Variants in FBXL17 observed in about 807,000 individuals in gnomAD.
The protein encoded by FBXL17 is F-box/LRR-repeat protein 17.
Under a neutral mutation model 66.2 loss-of-function variants are expected in FBXL17, and 22 were observed. The ratio of observed to expected loss-of-function variants is 0.33; its 90% confidence interval spans 0.24 to 0.47. FBXL17 has a LOEUF of 0.47. FBXL17 is among the 20% of genes least tolerant of loss of function. FBXL17 has a pLI of 1.00. For missense variants in FBXL17, 878 were observed against 948.2 expected, an observed-to-expected ratio of 0.93 and a Z score of 0.97; for synonymous variants, 474 against 400.5, an observed-to-expected ratio of 1.18 and a Z score of -2.19.
chr5:108,022,341 C>T (rs1200018549), intron 6 of FBXL17, among the ~76,000 whole-genome samples: 1 of 151,626 alleles, frequency 6.6e-6, no homozygotes, highest in East Asian at 1.9e-4. Flanking sequence ...TTGGTTATAA[C>T]ATAATATTTA....
At chr5:107,943,158 C>T (rs764433310) in intron 7 of FBXL17, among the ~76,000 whole-genome samples, 11 of 152,184 alleles carry the variant, frequency 7.2e-5, no homozygotes, top group African/African-American at 1.4e-4. Context: ...CTTCCTGTAT[C>T]CTGCAGACTT....
intron 7 of FBXL17, among the ~76,000 whole-genome samples, chr5:107,965,788 A>T (rs1752105798): frequency 6.6e-6 from 1 of 152,190 alleles, no homozygotes; most frequent in Admixed American, 6.6e-5. Context: ...AAATAGACAT[A>T]GTCTAGTGTA....
At chr5:108,206,765 C>A (rs1029200627) in intron 5 of FBXL17, among the ~76,000 whole-genome samples, 2 of 152,150 alleles carry the variant, frequency 1.3e-5, no homozygotes, top group African/African-American at 4.8e-5. Context: ...TTTATACATA[C>A]ACCAACTGAC....
chr5:107,910,979 A>AGAAAAAATGTAG (rs1749932476), intron 7 of FBXL17, among the ~76,000 whole-genome samples: 1 of 152,144 alleles, frequency 6.6e-6, no homozygotes, highest in Non-Finnish European at 1.5e-5. Flanking sequence ...CAGAAAAATC[A>AGAAAAAATGTAG]TTCTGTGCAA....
intron 7 of FBXL17, among the ~76,000 whole-genome samples, chr5:107,895,422 T>G (rs1206011249): frequency 6.6e-6 from 1 of 152,182 alleles, no homozygotes; most frequent in Non-Finnish European, 1.5e-5. Context: ...TGTATCTAGC[T>G]TTTAATGTCT....
chr5:107,909,031 G>A (rs1001968146), intron 7 of FBXL17, among the ~76,000 whole-genome samples: 1 of 152,144 alleles, frequency 6.6e-6, no homozygotes, highest in African/African-American at 2.4e-5. Context: ...AACTGAACCT[G>A]TGATAGTCTC....
intron 6 of FBXL17, among the ~76,000 whole-genome samples, chr5:108,136,791 G>C (rs1286951265): frequency 2.0e-5 from 3 of 152,022 alleles, no homozygotes; most frequent in Admixed American, 2.0e-4. Context: ...AGGAAACCTC[G>C]TATTTCTGTT....
At chr5:108,205,121 A>G (rs1302472866) in intron 5 of FBXL17, among the ~76,000 whole-genome samples, 1 of 151,928 alleles carries the variant, frequency 6.6e-6, no homozygotes, top group Non-Finnish European at 1.5e-5. Flanking sequence ...CCCTGTCTCT[A>G]AAAGTCACAT....
At chr5:108,173,804 T>C (rs1023861834) in intron 6 of FBXL17, among the ~76,000 whole-genome samples, 1 of 152,268 alleles carries the variant, frequency 6.6e-6, no homozygotes, top group Admixed American at 6.5e-5. Context: ...TAACAAGAAA[T>C]TGATCCCTAA....
intron 6 of FBXL17, among the ~76,000 whole-genome samples, chr5:108,053,782 C>T (rs1580378045): frequency 6.6e-6 from 1 of 152,076 alleles, no homozygotes; most frequent in Non-Finnish European, 1.5e-5. Context: ...AAGGAATATA[C>T]ATCATTCTAC....
intron 4 of FBXL17, among the ~76,000 whole-genome samples, chr5:108,311,235 G>A (rs572797016): frequency 5.3e-5 from 8 of 151,818 alleles, no homozygotes; most frequent in East Asian, 1.9e-4. Flanking sequence ...GCAATGGCGC[G>A]ATCTCAGCTC....
intron 6 of FBXL17, among the ~76,000 whole-genome samples, chr5:108,121,145 T>C (rs763483794): frequency 3.9e-5 from 6 of 152,076 alleles, no homozygotes; most frequent in Non-Finnish European, 7.4e-5. Flanking sequence ...CTGGCCAACA[T>C]GGTGAAATCC....
chr5:108,303,321 C>T (rs1433984128), intron 4 of FBXL17, among the ~76,000 whole-genome samples: 4 of 150,724 alleles, frequency 2.7e-5, no homozygotes, highest in Admixed American at 2.0e-4. Context: ...CAGTTCAATT[C>T]CCCTTGACCA....
chr5:107,986,907 C>G (rs532161903), intron 7 of FBXL17, among the ~76,000 whole-genome samples: 1 of 151,848 alleles, frequency 6.6e-6, no homozygotes, highest in South Asian at 2.1e-4. Context: ...TTTGGGAAAA[C>G]TATGTTTATA....
intron 4 of FBXL17, among the ~76,000 whole-genome samples, chr5:108,315,581 A>G (rs1381179921): frequency 6.6e-6 from 1 of 151,278 alleles, no homozygotes; most frequent in Non-Finnish European, 1.5e-5. Context: ...AATACAACCA[A>G]GAGAATTTAT....
chr5:108,292,474 G>A lies in FBXL17; in HGVS notation c.1506+55925C>T, dbSNP rs144294403. Among the ~76,000 whole-genome samples, 436 of 152,084 alleles carry A rather than the reference G, an allele frequency of 2.9e-3. 4 individuals carry two copies. Among genetic ancestry groups the A allele is most frequent in the African/African-American group, 9.5e-3 (393 of 41,484 alleles). ...TAGTCAGCCTCATGGTCCACAGTCC[G>A]TTCTTCCTGATCTTTCTCTCTAAAT... On this transcript the variant is annotated intron_variant, in intron 4 of 8. Coordinates refer to ENST00000542267, the MANE Select transcript of FBXL17 (RefSeq NM_001163315.3).
chr5:108,231,435 T>A (rs980324158), intron 4 of FBXL17, among the ~76,000 whole-genome samples: 5 of 152,176 alleles, frequency 3.3e-5, no homozygotes, highest in Non-Finnish European at 7.3e-5. Context: ...TAGTCTTTTG[T>A]CTCTAGCTTC....
rs112875633 is a variant in FBXL17, at chr5:108,364,756, A to G, written c.1356T>C (p.Thr452=). 1.2e-6 allele frequency: 2 copies of G among 1,610,252 alleles called. No individual in the cohort carries two copies. Among genetic ancestry groups the G allele is most frequent in the Non-Finnish European group, 1.7e-6 (2 of 1,177,502 alleles). ...AATTTACCTGCTTGAGTCCTTCATC[A>G]GTGAGTTTGTCCTGGTTGCCTACAT... ...KVHVGNQDKL[T]DEGLKQLGSK... The change falls in exon 3 of 9, where the codon ACT becomes ACC. Residue 452 remains threonine, a synonymous_variant. Coordinates refer to ENST00000542267, the MANE Select transcript of FBXL17 (RefSeq NM_001163315.3).
At chr5:107,878,415 T>C (rs926902354) in intron 8 of FBXL17, 7 of 644,904 alleles carry the variant, frequency 1.1e-5, no homozygotes, top group African/African-American at 2.0e-5. Flanking sequence ...TTTATGTATG[T>C]TAACTCATTC....
Sources: allele counts gnomAD v4.1 joint callset (sites outside exome capture counted in the v4.1 genomes callset), GRCh38; gene constraint gnomAD v4.1.1; transcripts MANE v1.5; gene names NCBI Gene and HGNC (gene_info 2026-07-23, HGNC 2026-07-21).